Variants in DNAJC1 observed in about 807,000 individuals in gnomAD.
DNAJC1 encodes DnaJ heat shock protein family (Hsp40) member C1, also known as dnaJ homolog subfamily C member 1.
A neutral mutation model predicts 76.6 loss-of-function variants in DNAJC1; 58 were observed. The observed-to-expected ratio is 0.76, with a 90% CI of 0.61 to 0.94. The LOEUF (loss-of-function observed/expected upper bound fraction) is 0.94, where lower values mean the gene tolerates loss of function less well. DNAJC1 is among the 40% of genes least tolerant of loss of function. The pLI is 0.00. For missense variants in DNAJC1, 689 were observed against 677.3 expected (o/e 1.02, Z -0.19); for synonymous variants, 258 against 267.9 (o/e 0.96, Z 0.36).
intron 6 of DNAJC1, among the ~76,000 whole-genome samples, chr10:21,909,514 G>T (rs1836818315): frequency 6.6e-6 from 1 of 152,194 alleles, no homozygotes; most frequent in Admixed American, 6.5e-5. Context: ...AACAGGAATT[G>T]TTGTCTTTCA....
At chr10:21,846,989 T>C (rs566740764) in intron 8 of DNAJC1, among the ~76,000 whole-genome samples, 22 of 152,098 alleles carry the variant, frequency 1.4e-4, no homozygotes, top group African/African-American at 3.4e-4. Flanking sequence ...GAAGCTTCTA[T>C]GATAAAGAGA....
At chr10:21,940,500 C>T (rs1220206196) in intron 1 of DNAJC1, among the ~76,000 whole-genome samples, 1 of 152,144 alleles carries the variant, frequency 6.6e-6, no homozygotes, top group Non-Finnish European at 1.5e-5. Context: ...CTTTGAGAGT[C>T]AAGGTCAATA....
intron 8 of DNAJC1, among the ~76,000 whole-genome samples, chr10:21,843,404 T>G (rs943944829): frequency 6.6e-6 from 1 of 150,446 alleles, no homozygotes; most frequent in African/African-American, 2.4e-5. Flanking sequence ...TTTTTTTTTT[T>G]TTTTTTTGAG....
chr10:21,936,105 T>C (rs985861558), intron 1 of DNAJC1, among the ~76,000 whole-genome samples: 1 of 152,182 alleles, frequency 6.6e-6, no homozygotes, highest in African/African-American at 2.4e-5. Flanking sequence ...GTGATGGTAT[T>C]AAGAGGTGGG....
intron 9 of DNAJC1, among the ~76,000 whole-genome samples, chr10:21,790,636 G>A (rs1834672998): frequency 6.6e-6 from 1 of 151,872 alleles, no homozygotes; most frequent in African/African-American, 2.4e-5. Context: ...GGCCTTACAA[G>A]AAATGCTCAA....
intron 9 of DNAJC1, among the ~76,000 whole-genome samples, chr10:21,779,559 A>G (rs930471002): frequency 5.9e-5 from 9 of 152,216 alleles, no homozygotes; most frequent in African/African-American, 2.2e-4. Flanking sequence ...GAAAATTAAC[A>G]AACAGAAAGG....
At chr10:21,998,723 A>G (rs1397466831) in intron 1 of DNAJC1, among the ~76,000 whole-genome samples, 1 of 152,242 alleles carries the variant, frequency 6.6e-6, no homozygotes. Context: ...AATGGACGTG[A>G]AATCTAAGGA....
At position 21,758,642 on chromosome 10, in the gene DNAJC1, T is replaced by C. The variant is rs144285560; in HGVS notation, c.1596+528A>G. Among the ~76,000 whole-genome samples, 81 of 152,338 alleles carry C rather than the reference T, an allele frequency of 5.3e-4. 1 individual carries two copies. In the East Asian group the frequency reaches 9.7e-3, roughly 18 times the overall value. On this transcript the variant is annotated intron_variant, in intron 11 of 11. Coordinates refer to ENST00000376980, the MANE Select transcript of DNAJC1 (RefSeq NM_022365.4). ...TCAGGGCCTCTGGACAGCCACCAGG[T>C]GTACCTGCTGAGTCCAAAGTTATTC...
chr10:21,850,135 AAG>A (rs1190272489), intron 8 of DNAJC1, among the ~76,000 whole-genome samples: 4 of 152,194 alleles, frequency 2.6e-5, no homozygotes, highest in Non-Finnish European at 1.5e-5. Context: ...CTGTGTAAGA[AAG>A]AGAAATAATG....
intron 9 of DNAJC1, among the ~76,000 whole-genome samples, chr10:21,804,791 G>T (rs1834863979): frequency 6.6e-6 from 1 of 151,756 alleles, no homozygotes; most frequent in African/African-American, 2.4e-5. Context: ...GACCTATACA[G>T]TAGTAACAAT....
chr10:21,966,355 T>C (rs959875344), intron 1 of DNAJC1, among the ~76,000 whole-genome samples: 11 of 152,128 alleles, frequency 7.2e-5, no homozygotes, highest in Non-Finnish European at 1.2e-4. Flanking sequence ...ATTCTGGGCA[T>C]ACTTTTACCA....
At chr10:21,856,446 A>G (rs891525250) in intron 8 of DNAJC1, among the ~76,000 whole-genome samples, 1 of 152,130 alleles carries the variant, frequency 6.6e-6, no homozygotes, top group Non-Finnish European at 1.5e-5. Context: ...TGCATGGTGG[A>G]AATACTATAT....
At chr10:21,904,915 T>A (rs1163618909) in intron 6 of DNAJC1, among the ~76,000 whole-genome samples, 2 of 152,090 alleles carry the variant, frequency 1.3e-5, no homozygotes, top group African/African-American at 4.8e-5. Context: ...CTGTTGCATA[T>A]ACAGAGAGCA....
rs534900183 is a variant in DNAJC1, at chr10:21,757,825, C to T, written c.1597-1070G>A. Among the ~76,000 whole-genome samples, 21 of 152,284 alleles carry T rather than the reference C, an allele frequency of 1.4e-4. No individual in the cohort carries two copies. In the East Asian group the frequency reaches 3.5e-3, roughly 25 times the overall value. Reference sequence around the variant, plus strand: ...CAAGTCAAGGCTTGAGGGGAACACCCGCAGGCTGAAGAAGCCCTGCTCATT... The same window carrying T: ...CAAGTCAAGGCTTGAGGGGAACACCTGCAGGCTGAAGAAGCCCTGCTCATT... On this transcript the variant is annotated intron_variant, in intron 11 of 11. Transcript: ENST00000376980.
At chr10:21,792,478 C>T (rs913916999) in intron 9 of DNAJC1, among the ~76,000 whole-genome samples, 1 of 152,120 alleles carries the variant, frequency 6.6e-6, no homozygotes, top group African/African-American at 2.4e-5. Context: ...TAACCTTGAC[C>T]GGGTGTGGTG....
At chr10:21,792,177 A>G (rs1208188051) in intron 9 of DNAJC1, among the ~76,000 whole-genome samples, 1 of 152,202 alleles carries the variant, frequency 6.6e-6, no homozygotes, top group Admixed American at 6.5e-5. Context: ...GAAATAGAAA[A>G]TCTGAATAGA....
intron 6 of DNAJC1, among the ~76,000 whole-genome samples, chr10:21,909,919 G>C (rs1836827135): frequency 6.6e-6 from 1 of 152,170 alleles, no homozygotes; most frequent in Non-Finnish European, 1.5e-5. Context: ...GCCAGAAACA[G>C]ACTAAGGTCT....
chr10:21,932,844 A>T (rs1164135695), intron 1 of DNAJC1, among the ~76,000 whole-genome samples: 2 of 152,136 alleles, frequency 1.3e-5, no homozygotes, highest in Non-Finnish European at 2.9e-5. Context: ...GCTGGTCTCA[A>T]ACTCCTTGGC....
chr10:21,809,080 A>C (rs962793448), intron 8 of DNAJC1, among the ~76,000 whole-genome samples: 3 of 152,182 alleles, frequency 2.0e-5, no homozygotes, highest in Non-Finnish European at 4.4e-5. Flanking sequence ...TTTTGCCATA[A>C]AACCCACTAT....
Sources: allele counts gnomAD v4.1 joint callset (sites outside exome capture counted in the v4.1 genomes callset), GRCh38; gene constraint gnomAD v4.1.1; transcripts MANE v1.5; gene names NCBI Gene and HGNC (gene_info 2026-07-23, HGNC 2026-07-21).